The following PCDH15 variants were observed in gnomAD, a reference collection of about 807,000 sequenced individuals.
PCDH15 encodes protocadherin related 15, also known as protocadherin-15.
Under a neutral mutation model 178.5 loss-of-function variants are expected in PCDH15, and 129 were observed. The ratio of observed to expected loss-of-function variants is 0.72; its 90% CI spans 0.63 to 0.84. The LOEUF (loss-of-function observed/expected upper bound fraction) is 0.84, where lower values mean the gene tolerates loss of function less well. PCDH15 is among the 40% of genes least tolerant of loss of function. The pLI is 0.00. For synonymous variants in PCDH15, 800 were observed against 732.0 expected, an observed-to-expected ratio of 1.09 and a Z score of -1.50; for missense variants, 2,230 against 2,099.9, an observed-to-expected ratio of 1.06 and a Z score of -1.21.
chr10:55,539,047 C>T (rs1841697146), intron 2 of PCDH15, among the ~76,000 whole-genome samples: 1 of 148,194 alleles, frequency 6.7e-6, no homozygotes, highest in African/African-American at 2.5e-5. Flanking sequence ...TTCCTTCTTC[C>T]CTCCCTCCCT....
intron 1 of PCDH15, among the ~76,000 whole-genome samples, chr10:55,282,718 C>A (rs7083769): frequency 0.026 from 3,960 of 152,092 alleles, 171 homozygotes; most frequent in African/African-American, 0.089. Context: ...ATTAACTAAT[C>A]AACATATGAC....
At chr10:54,774,226 C>T (rs1357275728) in intron 1 of PCDH15, among the ~76,000 whole-genome samples, 3 of 151,830 alleles carry the variant, frequency 2.0e-5, no homozygotes, top group Admixed American at 2.0e-4. Context: ...GACGGGGTTT[C>T]ACCGTGTTAG....
chr10:54,722,195 T>G (rs1941733932), intron 1 of PCDH15, among the ~76,000 whole-genome samples: 1 of 151,576 alleles, frequency 6.6e-6, no homozygotes, highest in Non-Finnish European at 1.5e-5. Flanking sequence ...CTCAACAAAT[T>G]AAACATTGAG....
Position 55,615,763 on chromosome 10 carries a change from T to C in PCDH15, c.-156+11862A>G, listed in dbSNP as rs188100963. ...TCATAGTGGCTGGCACCTGAATCTTTGCTGCTTGGGAGACTCATATGAACC... is the reference window on the plus strand; with the variant it reads ...TCATAGTGGCTGGCACCTGAATCTTCGCTGCTTGGGAGACTCATATGAACC... On this transcript the variant is annotated intron_variant, in intron 2 of 5. Coordinates refer to the PCDH15 transcript ENST00000613346. 4.1e-4 allele frequency among the ~76,000 whole-genome samples: 63 copies of C among 152,228 alleles called. No individual in the cohort carries two copies. The East Asian group carries it at 0.01, about 24-fold the overall frequency.
At chr10:54,266,478 C>T (rs2057698116) in intron 8 of PCDH15, among the ~76,000 whole-genome samples, 3 of 151,486 alleles carry the variant, frequency 2.0e-5, no homozygotes, top group African/African-American at 7.3e-5. Context: ...TGAACAAAAT[C>T]GAGATTCAAA....
chr10:54,297,832 G>A (rs7912181), intron 8 of PCDH15, among the ~76,000 whole-genome samples: 39,204 of 152,134 alleles, frequency 0.26, 6,322 homozygotes, highest in Middle Eastern at 0.38. Flanking sequence ...TGATCTTATT[G>A]GAAAGATGTC....
At position 54,972,764 on chromosome 10, in the gene PCDH15, A is replaced by G. The variant is rs189116190; in HGVS notation, c.-79-75264T>C. Among the ~76,000 whole-genome samples, 780 of 142,382 alleles carry G rather than the reference A, an allele frequency of 5.5e-3. 5 individuals are homozygous for G. Among genetic ancestry groups the G allele is most frequent in the African/African-American group, 0.02 (746 of 38,130 alleles). The allele number at this position is 142,382 out of a possible 152,430, so 93.4% of individuals were successfully genotyped here. On this transcript the variant is annotated intron_variant, in intron 2 of 5. Transcript: ENST00000458638. ...CTTGGGAGGCTGAGGCAGGAGAATC[A>G]CTTGAACCCAGGAGACGGAGGTTGC...
At chr10:55,300,699 GC>G (rs1425781988) in intron 1 of PCDH15, among the ~76,000 whole-genome samples, 3 of 152,050 alleles carry the variant, frequency 2.0e-5, no homozygotes, top group Non-Finnish European at 4.4e-5. Context: ...TGTATAGGAA[GC>G]TTATGAGAAA....
At chr10:55,050,867 C>G (rs1831404612) in intron 2 of PCDH15, among the ~76,000 whole-genome samples, 1 of 152,032 alleles carries the variant, frequency 6.6e-6, no homozygotes, top group African/African-American at 2.4e-5. Flanking sequence ...ATTTCTTCAA[C>G]TTACCATGAT....
intron 3 of PCDH15, among the ~76,000 whole-genome samples, chr10:54,406,506 T>C (rs1268032878): frequency 6.6e-6 from 1 of 152,112 alleles, no homozygotes; most frequent in Non-Finnish European, 1.5e-5. Flanking sequence ...CTACCTCTTA[T>C]TTTGACAATA....
At chr10:54,165,515 G>T (rs2046132230) in intron 13 of PCDH15, among the ~76,000 whole-genome samples, 1 of 152,052 alleles carries the variant, frequency 6.6e-6, no homozygotes, top group African/African-American at 2.4e-5. Flanking sequence ...GCAACTTCAT[G>T]ATCCTTTTGT....
At chr10:54,580,335 A>C (rs566154469) in intron 2 of PCDH15, among the ~76,000 whole-genome samples, 1 of 152,244 alleles carries the variant, frequency 6.6e-6, no homozygotes, top group East Asian at 1.9e-4. Context: ...TATTATGAAC[A>C]CTGGATGCAC....
chr10:55,084,460 T>A (rs1842113781), intron 2 of PCDH15, among the ~76,000 whole-genome samples: 1 of 105,554 alleles, frequency 9.5e-6, no homozygotes. Flanking sequence ...GACCTCAAGC[T>A]GTAAAAAAAA....
chr10:55,078,307 G>T (rs1206003127), intron 2 of PCDH15, among the ~76,000 whole-genome samples: 2 of 152,016 alleles, frequency 1.3e-5, no homozygotes, highest in East Asian at 3.9e-4. Flanking sequence ...AGATATTTTG[G>T]CATTGCATCT....
At chr10:54,835,296 A>T (rs2080614772) in intron 3 of PCDH15, among the ~76,000 whole-genome samples, 1 of 152,112 alleles carries the variant, frequency 6.6e-6, no homozygotes, top group African/African-American at 2.4e-5. Flanking sequence ...TTCATCTATA[A>T]ACCCACAAAT....
chr10:54,314,568 A>T (rs931013391), intron 8 of PCDH15, among the ~76,000 whole-genome samples: 5 of 152,212 alleles, frequency 3.3e-5, no homozygotes, highest in African/African-American at 1.2e-4. Flanking sequence ...AGGGGTCCAT[A>T]TGCAGGTTTG....
At chr10:54,666,350 T>C (rs1343610526) in intron 1 of PCDH15, among the ~76,000 whole-genome samples, 1 of 152,078 alleles carries the variant, frequency 6.6e-6, no homozygotes, top group East Asian at 1.9e-4. Context: ...CTGGTGAGTG[T>C]CTGAAGAGAC....
intron 21 of PCDH15, among the ~76,000 whole-genome samples, chr10:53,978,984 C>T (rs148699922): frequency 1.6e-3 from 241 of 152,244 alleles, no homozygotes; most frequent in African/African-American, 5.4e-3. Flanking sequence ...CAAACTTTCC[C>T]ACATCTTCTT....
At chr10:54,325,583 T>C (rs1487691244) in intron 7 of PCDH15, among the ~76,000 whole-genome samples, 5 of 152,006 alleles carry the variant, frequency 3.3e-5, no homozygotes, top group Non-Finnish European at 7.4e-5. Context: ...ACCTCGTTTC[T>C]ACTACACATC....
Sources: gnomAD v4.1 joint callset for allele counts (sites outside exome capture counted in the v4.1 genomes callset) on GRCh38, gnomAD v4.1.1 for gene constraint, MANE v1.5 for transcripts, NCBI Gene and HGNC (gene_info 2026-07-23, HGNC 2026-07-21) for gene names.